ATP8B1: variants seen among roughly 807,000 people sequenced by gnomAD.
ATP8B1 encodes the protein ATPase phospholipid transporting 8B1, also known as phospholipid-transporting ATPase IC.
A neutral mutation model predicts 149.9 loss-of-function variants in ATP8B1; 80 were observed. The ratio of observed to expected loss-of-function variants is 0.53; its 90% confidence interval spans 0.45 to 0.64. ATP8B1 has a LOEUF of 0.64. Among genes scored for constraint, ATP8B1 ranks in the 30% least tolerant of loss-of-function variants. ATP8B1 has a pLI of 0.00. For missense variants in ATP8B1, 1,247 were observed against 1,552.6 expected, an observed-to-expected ratio of 0.80 and a Z score of 3.31; for synonymous variants, 536 against 562.8, an observed-to-expected ratio of 0.95 and a Z score of 0.67.
intron 1 of ATP8B1, among the ~76,000 whole-genome samples, chr18:57,759,155 C>CAAAAAAAAAA (rs566728161): frequency 6.9e-4 from 73 of 106,282 alleles, no homozygotes; most frequent in Admixed American, 2.4e-3. Flanking sequence ...GATTCCATCT[C>CAAAAAAAAAA]AAAAAAAAAA....
rs1338643971 is a variant in ATP8B1, at chr18:57,647,096, T to A, written c.*1392A>T. 1 of 152,218 alleles carries A rather than the reference T, an allele frequency of 6.6e-6. No individual in the cohort carries two copies. 9.4% of individuals were successfully genotyped at this position (152,218 alleles called of 1,614,324 possible). ...GTGAGGTCTTTGTTCAAGTCCCTGA[T>A]AAAATACTTTGCATATAGGCAGGCA... is the stretch of plus-strand genomic sequence containing the variant. On this transcript the variant is annotated 3_prime_UTR_variant, in exon 28 of 28. Coordinates refer to ENST00000648908, the MANE Select transcript of ATP8B1 (RefSeq NM_001374385.1).
chr18:57,724,597 A>G (rs1425682067), intron 2 of ATP8B1, among the ~76,000 whole-genome samples: 3 of 151,406 alleles, frequency 2.0e-5, no homozygotes, highest in African/African-American at 4.9e-5. Flanking sequence ...AAAGCCAGGA[A>G]ACAACAGGTG....
At chr18:57,801,390 T>C (rs1343693011) in intron 1 of ATP8B1, among the ~76,000 whole-genome samples, 1 of 152,214 alleles carries the variant, frequency 6.6e-6, no homozygotes, top group African/African-American at 2.4e-5. Flanking sequence ...CAGGCAGGCG[T>C]GACTTCTCCC....
chr18:57,688,613 C>A, intron 12 of ATP8B1, 106 bp from the exon 13 acceptor site: 2 of 1,135,788 alleles, frequency 1.8e-6, no homozygotes, highest in Non-Finnish European at 2.6e-6. Flanking sequence ...TTATTTACTG[C>A]TATGGTCTGA....
chr18:57,697,868 C>T lies in ATP8B1; in HGVS notation c.555-1G>A. ...TTCTTTCCACTTAGCAACTTTGAAC[C>T]TAAGGATTAAAAATAATGAGGATTT... is the stretch of plus-strand genomic sequence containing the variant. On this transcript the variant is annotated splice_acceptor_variant, in intron 6 of 27. Coordinates refer to ENST00000648908, the MANE Select transcript of ATP8B1 (RefSeq NM_001374385.1). LOFTEE classifies it high-confidence loss of function. 1 of 1,609,752 alleles carries T rather than the reference C, an allele frequency of 6.2e-7. No individual in the cohort carries two copies. Among genetic ancestry groups the T allele is most frequent in the Non-Finnish European group, 8.5e-7 (1 of 1,176,222 alleles).
intron 1 of ATP8B1, among the ~76,000 whole-genome samples, chr18:57,746,090 A>G (rs1024595492): frequency 3.3e-5 from 5 of 152,256 alleles, no homozygotes; most frequent in Non-Finnish European, 7.3e-5. Context: ...ATTGTGTTCT[A>G]TAACTGCAGC....
intron 2 of ATP8B1, chr18:57,708,488 G>A (rs1913528999): frequency 6.6e-6 from 1 of 152,154 alleles, no homozygotes. Flanking sequence ...CCTTACATAA[G>A]GTACTCTTGA....
chr18:57,689,439 C>G (rs1912419676), intron 12 of ATP8B1, among the ~76,000 whole-genome samples: 1 of 152,086 alleles, frequency 6.6e-6, no homozygotes, highest in Non-Finnish European at 1.5e-5. Flanking sequence ...GGGACATTAC[C>G]TATCTCAGTT....
chr18:57,773,714 C>G (rs2080283674), intron 1 of ATP8B1, among the ~76,000 whole-genome samples: 1 of 152,128 alleles, frequency 6.6e-6, no homozygotes, highest in African/African-American at 2.4e-5. Context: ...AAAAGGCAAC[C>G]CCATCTCCCA....
At position 57,694,649 on chromosome 18, in the gene ATP8B1, T is replaced by C; in HGVS notation, c.962A>G (p.Lys321Arg). ...IFAGADTKIM[K>R]NSGKTRFKRT... is the part of the protein sequence containing the mutation. ...TTTAAATCTGGTTTTCCCACTATTC[T>C]TCATTATTTTAGTGTCAGCACCTGA... Residue 321 changes from lysine to arginine, a missense_variant, in exon 11 of 28, where the codon AAG (lysine) becomes AGG (arginine). Around this residue, in one of 3 missense-constraint regions of ATP8B1, gnomAD observed 853 missense variants for 1,035.7 expected, o/e 0.82. Coordinates refer to ENST00000648908, the MANE Select transcript of ATP8B1 (RefSeq NM_001374385.1). The C allele has an allele frequency of 6.3e-7, 1 of 1,593,486 alleles. No homozygotes were observed. Among genetic ancestry groups the C allele is most frequent in the Non-Finnish European group, 8.6e-7 (1 of 1,161,394 alleles).
chr18:57,755,552 G>A (rs1051877003), intron 1 of ATP8B1: 4 of 152,172 alleles, frequency 2.6e-5, no homozygotes, highest in Admixed American at 2.6e-4. Flanking sequence ...GGATTTGACA[G>A]TTTCACATTG....
At chr18:57,759,253 AC>A (rs967874053) in intron 1 of ATP8B1, among the ~76,000 whole-genome samples, 2 of 151,036 alleles carry the variant, frequency 1.3e-5, no homozygotes, top group African/African-American at 4.9e-5. Flanking sequence ...GTCCTCATCT[AC>A]CACCCTAGGT....
intron 22 of ATP8B1, among the ~76,000 whole-genome samples, chr18:57,660,312 C>T (rs1262519584): frequency 6.6e-6 from 1 of 152,056 alleles, no homozygotes; most frequent in South Asian, 2.1e-4. Flanking sequence ...GATGAGAGCA[C>T]GTGGAAGCTT....
chr18:57,799,296 CAT>C (rs1473889582), intron 1 of ATP8B1, among the ~76,000 whole-genome samples: 5 of 152,220 alleles, frequency 3.3e-5, no homozygotes, highest in Non-Finnish European at 7.3e-5. Flanking sequence ...AGTTATGAAA[CAT>C]ATTTCTCATT....
chr18:57,781,704 G>A (rs898165355), intron 1 of ATP8B1, among the ~76,000 whole-genome samples: 1 of 152,230 alleles, frequency 6.6e-6, no homozygotes. Flanking sequence ...GGTGGGTGCA[G>A]TGGCTCGCAC....
chr18:57,731,655 T>A lies in ATP8B1; in HGVS notation c.153A>T (p.Ala51=). 6.2e-7 allele frequency: 1 copy of A among 1,614,146 alleles called. No homozygotes were observed. Among genetic ancestry groups the A allele is most frequent in the African/African-American group, 1.3e-5 (1 of 75,038 alleles). The change falls in exon 2 of 28, where the codon GCA becomes GCT. Residue 51 remains alanine, a synonymous_variant. Transcript: ENST00000648908. ...TTCTGAATGGCTCCCGGTTCTCCTC[T>A]GCTTCCCTGTTGACTCGGTTTTGTT... ...EPEQNRVNRE[A]EENREPFRKE...
At chr18:57,738,706 A>G (rs1373839079) in intron 1 of ATP8B1, among the ~76,000 whole-genome samples, 2 of 152,032 alleles carry the variant, frequency 1.3e-5, no homozygotes, top group Non-Finnish European at 2.9e-5. Flanking sequence ...TACTCCTCCA[A>G]TTCATCACCT....
intron 1 of ATP8B1, among the ~76,000 whole-genome samples, chr18:57,772,921 A>G (rs922693566): frequency 6.6e-6 from 1 of 152,160 alleles, no homozygotes; most frequent in Non-Finnish European, 1.5e-5. Context: ...GGCCTCAACA[A>G]CATGAACTGT....
At chr18:57,729,918 C>T (rs1484703547) in intron 2 of ATP8B1, among the ~76,000 whole-genome samples, 5 of 152,102 alleles carry the variant, frequency 3.3e-5, no homozygotes, top group Non-Finnish European at 7.4e-5. Flanking sequence ...GCAGAAGGCA[C>T]TTAAGCTCAA....
Sources: gnomAD v4.1 joint callset for allele counts (sites outside exome capture counted in the v4.1 genomes callset) on GRCh38, gnomAD v4.1.1 for gene constraint, gnomAD v4.1.1 regional missense constraint, MANE v1.5 for transcripts, NCBI Gene and HGNC (gene_info 2026-07-23, HGNC 2026-07-21) for gene names.